FBXO11: variants seen among roughly 807,000 people sequenced by gnomAD.
The protein encoded by FBXO11 is F-box protein 11, also known as F-box only protein 11.
FBXO11 carries 13 observed loss-of-function variants against 117.0 expected under a neutral mutation model. The observed-to-expected ratio is 0.11, with a 90% CI of 0.07 to 0.18. The LOEUF (loss-of-function observed/expected upper bound fraction) is 0.18. Ranked by LOEUF, FBXO11 falls within the 10% of genes least tolerant of loss-of-function variation. The probability of loss-of-function intolerance (pLI) is 1.00; values close to 1 mark genes in which losing one functional copy is unlikely to be tolerated. For synonymous variants in FBXO11, 490 were observed against 380.5 expected (o/e 1.29, Z -3.35); for missense variants, 767 against 1,164.4 (o/e 0.66, Z 4.97).
chr2:47,836,144 G>T, intron 4 of FBXO11, 143 bp from the exon 5 acceptor site: 1 of 551,816 alleles, frequency 1.8e-6, no homozygotes, highest in Non-Finnish European at 3.0e-6. Context: ...TAAATCACAG[G>T]ATTTTTTTTT....
chr2:47,810,076 T>C (rs373311071), intron 19 of FBXO11: 5 of 503,324 alleles, frequency 9.9e-6, no homozygotes, highest in East Asian at 6.5e-5. Flanking sequence ...ATTTATTCTA[T>C]CCCAATAAAT....
rs534620625 is a variant in FBXO11, at chr2:47,900,589, C to T, written c.232+4900G>A. Among the ~76,000 whole-genome samples, 3 of 113,654 alleles carry T rather than the reference C, an allele frequency of 2.6e-5. 1 individual carries two copies. The highest frequency in any genetic ancestry group is 6.1e-5 in the Non-Finnish European group (3 of 48,798). 74.6% of individuals were successfully genotyped at this position (113,654 alleles called of 152,430 possible). On this transcript the variant is annotated intron_variant, in intron 1 of 22. Transcript: ENST00000403359. Reference sequence around the variant, plus strand: ...ATACACACGTATACACACATATATACGTATATACACACGTATACACACGTA... The same window carrying T: ...ATACACACGTATACACACATATATATGTATATACACACGTATACACACGTA...
chr2:47,887,681 T>G (rs1251665628), intron 1 of FBXO11, among the ~76,000 whole-genome samples: 1 of 151,928 alleles, frequency 6.6e-6, no homozygotes. Flanking sequence ...GGCAACATGG[T>G]GAAATCTCGT....
At chr2:47,900,587 T>TATACACAC (rs1558486110) in intron 1 of FBXO11, among the ~76,000 whole-genome samples, 14 of 144,440 alleles carry the variant, frequency 9.7e-5, no homozygotes, top group Non-Finnish European at 1.8e-4. Flanking sequence ...CACACATATA[T>TATACACAC]ACGTATATAC....
At chr2:47,878,612 T>C (rs1184458622) in intron 1 of FBXO11, among the ~76,000 whole-genome samples, 1 of 151,512 alleles carries the variant, frequency 6.6e-6, no homozygotes, top group Non-Finnish European at 1.5e-5. Context: ...TCTGCCCACC[T>C]CGGCCTCCCA....
intron 1 of FBXO11, among the ~76,000 whole-genome samples, chr2:47,843,287 G>A (rs769709481): frequency 1.3e-5 from 2 of 152,168 alleles, no homozygotes; most frequent in Admixed American, 6.6e-5. Context: ...GTTTAAACAT[G>A]TCTAAAAAGA....
intron 1 of FBXO11, among the ~76,000 whole-genome samples, chr2:47,894,565 C>CA (rs1456295865): frequency 6.6e-6 from 1 of 151,948 alleles, no homozygotes; most frequent in East Asian, 1.9e-4. Context: ...TTCTTAAATA[C>CA]AAAAAAGATG....
intron 11 of FBXO11, 90 bp downstream of exon 11, chr2:47,832,259 T>TA: frequency 9.2e-7 from 1 of 1,089,904 alleles, no homozygotes; most frequent in Non-Finnish European, 1.3e-6. Flanking sequence ...TCAATTCAGA[T>TA]AATTTGGTGA....
intron 1 of FBXO11, among the ~76,000 whole-genome samples, chr2:47,900,050 T>G (rs772938448): frequency 6.6e-6 from 1 of 152,140 alleles, no homozygotes; most frequent in Non-Finnish European, 1.5e-5. Context: ...TCCAAGCTGG[T>G]TGGCCTTCTC....
At chr2:47,813,086 C>T (rs1054290856) in intron 18 of FBXO11, 148 bp downstream of exon 18, 5 of 828,044 alleles carry the variant, frequency 6.0e-6, no homozygotes, top group African/African-American at 5.1e-5. Flanking sequence ...ACTCTAGGCA[C>T]TAATCTCCTA....
intron 1 of FBXO11, among the ~76,000 whole-genome samples, chr2:47,904,247 ACACGCAAAATGTCTCCT>A (rs1678556560): frequency 1.3e-5 from 2 of 152,180 alleles, no homozygotes; most frequent in Non-Finnish European, 2.9e-5. Flanking sequence ...GCCAACTAAA[ACACGCAAAATGTCTCCT>A]AACAATTCTC....
chr2:47,807,143 A>G lies in FBXO11; in HGVS notation c.*975T>C. On this transcript the variant is annotated 3_prime_UTR_variant, in exon 23 of 23. Transcript: ENST00000403359. ...GGGAGGAAAAGCTATGAAACTGTAT[A>G]GGGCTGTATATATACTTGTCTCAGC... is the stretch of plus-strand genomic sequence containing the variant. 2.5e-6 allele frequency: 1 copy of G among 406,878 alleles called. No individual in the cohort carries two copies. The highest frequency in any genetic ancestry group is 4.4e-6 in the Non-Finnish European group (1 of 225,220). 25.2% of individuals were successfully genotyped at this position (406,878 alleles called of 1,614,324 possible). A position where few individuals can be genotyped will look rare whatever the true frequency, so the allele number is the denominator to read the frequency against.
intron 1 of FBXO11, among the ~76,000 whole-genome samples, chr2:47,889,805 C>T (rs1461667774): frequency 6.6e-6 from 1 of 152,110 alleles, no homozygotes; most frequent in Non-Finnish European, 1.5e-5. Flanking sequence ...ACTAGGGTAC[C>T]TTCAGAAAAA....
At chr2:47,882,011 G>A (rs1676465936) in intron 1 of FBXO11, among the ~76,000 whole-genome samples, 1 of 152,152 alleles carries the variant, frequency 6.6e-6, no homozygotes. Context: ...GCCTCCCAAA[G>A]TGCTGGGATT....
At chr2:47,836,054 TAC>T (rs1309526108) in intron 4 of FBXO11, 53 bp from the exon 5 acceptor site, 1 of 1,369,934 alleles carries the variant, frequency 7.3e-7, no homozygotes, top group Non-Finnish European at 1.0e-6. Context: ...TTTAGATTAA[TAC>T]AGTTTTGAAC....
intron 16 of FBXO11, among the ~76,000 whole-genome samples, chr2:47,814,684 G>C (rs1670888000): frequency 6.6e-6 from 1 of 152,016 alleles, no homozygotes; most frequent in Non-Finnish European, 1.5e-5. Flanking sequence ...TGACCAACTG[G>C]CAATCTCTTA....
chr2:47,813,639 G>T, intron 17 of FBXO11, 152 bp downstream of exon 17: 1 of 614,736 alleles, frequency 1.6e-6, no homozygotes, highest in Non-Finnish European at 2.8e-6. Flanking sequence ...CACCATGTTG[G>T]CCAGGCTGGT....
At chr2:47,813,660 T>C (rs1670793251) in intron 17 of FBXO11, 131 bp downstream of exon 17, 1 of 682,940 alleles carries the variant, frequency 1.5e-6, no homozygotes, top group East Asian at 2.9e-5. Flanking sequence ...CTTAAACTCC[T>C]GACCTCGGGT....
At chr2:47,843,733 TG>T (rs1206022132) in intron 1 of FBXO11, among the ~76,000 whole-genome samples, 22 of 152,028 alleles carry the variant, frequency 1.4e-4, no homozygotes, top group African/African-American at 1.7e-4. Context: ...GATTTGCTGC[TG>T]CTTCTTCTTC....
Sources: gnomAD v4.1 joint callset for allele counts (sites outside exome capture counted in the v4.1 genomes callset) on GRCh38, gnomAD v4.1.1 for gene constraint, MANE v1.5 for transcripts, NCBI Gene and HGNC (gene_info 2026-07-23, HGNC 2026-07-21) for gene names.